Variants in DMD observed in about 807,000 individuals in gnomAD.
DMD encodes the protein mutant dystrophin.
DMD carries 63 observed loss-of-function variants against 330.1 expected under a neutral mutation model. The ratio of observed to expected loss-of-function variants is 0.19; its 90% CI spans 0.16 to 0.24. The LOEUF (loss-of-function observed/expected upper bound fraction) is 0.24. DMD is among the 10% of genes least tolerant of loss of function. DMD has a pLI of 1.00. For synonymous variants in DMD, 1,223 were observed against 959.8 expected, an observed-to-expected ratio of 1.27 and a Z score of -5.07; for missense variants, 3,344 against 2,684.1, an observed-to-expected ratio of 1.25 and a Z score of -5.43.
Position 32,045,000 on chromosome X carries a change from G to A in DMD, c.6439-76486C>T, listed in dbSNP as rs955801134. The stretch of plus-strand genomic sequence containing the variant: ...CCCAATGTTGGTGGTGGGGCCTGGC[G>A]GGAGGTTTTTGGGTCATGGGGACAG... On this transcript the variant is annotated intron_variant, in intron 44 of 78. Transcript: ENST00000357033. Among the ~76,000 whole-genome samples the A allele has an allele frequency of 6.3e-5, 7 of 110,960 alleles. No individual in the cohort carries two copies. The East Asian group carries it at 1.7e-3, about 27-fold the overall frequency.
chrX:33,157,976 A>G (rs2048588760), intron 1 of DMD, among the ~76,000 whole-genome samples: 1 of 111,951 alleles, frequency 8.9e-6, no homozygotes, highest in Non-Finnish European at 1.9e-5. Context: ...AAAGTAAATT[A>G]GAGAGAAGCT....
At position 32,217,035 on chromosome X, in the gene DMD, G is replaced by C; in HGVS notation, c.6319C>G (p.Arg2107Gly). The change falls in exon 44 of 79, where the codon CGG (arginine) becomes GGG (glycine). Residue 2107 changes from arginine (R) to glycine (G), a missense_variant. Physicochemically the swap from Arg to Gly is moderately radical, Grantham distance 125 (BLOSUM62 -2). Transcript: ENST00000357033. Reference protein sequence around the residue: ...GRFDRSVEKWRRFHYDIKIFN... With the variant: ...GRFDRSVEKWGRFHYDIKIFN... ...ATCTTTATATCATAATGAAAACGCC[G>C]CCATTTCTCAACAGATCTGTCAAAT... 8.3e-7 allele frequency: 1 copy of C among 1,208,870 alleles called. No homozygotes were observed. Among genetic ancestry groups the C allele is most frequent in the East Asian group, 3.0e-5 (1 of 33,751 alleles).
At chrX:32,743,025 G>A (rs894211030) in intron 7 of DMD, among the ~76,000 whole-genome samples, 1 of 111,106 alleles carries the variant, frequency 9.0e-6, no homozygotes, top group African/African-American at 3.3e-5. Flanking sequence ...CTTCCTCTGA[G>A]TCCTTCGCAT....
At chrX:31,749,313 T>G (rs1445037528) in intron 51 of DMD, among the ~76,000 whole-genome samples, 5 of 70,395 alleles carry the variant, frequency 7.1e-5, no homozygotes, top group East Asian at 4.9e-4. Context: ...CCCACAACAG[T>G]CCCCAGAGTG....
intron 30 of DMD, among the ~76,000 whole-genome samples, chrX:32,396,594 T>C (rs2098045898): frequency 9.1e-6 from 1 of 109,468 alleles, no homozygotes; most frequent in Non-Finnish European, 1.9e-5. Flanking sequence ...TACAACACTT[T>C]GTAGATGTTA....
chrX:33,226,536 T>C (rs2052293306), intron 1 of DMD, among the ~76,000 whole-genome samples: 1 of 111,222 alleles, frequency 9.0e-6, no homozygotes, highest in African/African-American at 3.3e-5. Flanking sequence ...CAAATAGAGA[T>C]CATATTAGTA....
At chrX:32,491,158 T>A in intron 20 of DMD, 119 bp downstream of exon 20, 1 of 947,236 alleles carries the variant, frequency 1.1e-6, no homozygotes, top group Non-Finnish European at 1.5e-6. Flanking sequence ...TTTATTGCGC[T>A]TAGCTAAATC....
intron 59 of DMD, among the ~76,000 whole-genome samples, chrX:31,476,414 T>TACACACAC (rs1298017039): frequency 1.0e-5 from 1 of 98,283 alleles, no homozygotes; most frequent in East Asian, 3.3e-4. Flanking sequence ...TATATATATA[T>TACACACAC]ATATATACAC....
intron 1 of DMD, among the ~76,000 whole-genome samples, chrX:33,127,611 G>A (rs2095472800): frequency 9.1e-6 from 1 of 110,090 alleles, no homozygotes. Context: ...ATATGTGTAT[G>A]TATATATATA....
chrX:31,933,950 T>C (rs1253376066), intron 45 of DMD, among the ~76,000 whole-genome samples: 1 of 91,675 alleles, frequency 1.1e-5, no homozygotes, highest in African/African-American at 4.9e-5. Flanking sequence ...GTTTTTTGAA[T>C]GATTAGCTAT....
intron 61 of DMD, among the ~76,000 whole-genome samples, chrX:31,327,074 T>C (rs868733258): frequency 3.6e-5 from 4 of 112,415 alleles, no homozygotes; most frequent in Admixed American, 9.4e-5. Context: ...TATTTTCTTA[T>C]ACAGATGTGC....
chrX:32,499,865 G>A (rs949151707), intron 19 of DMD, among the ~76,000 whole-genome samples: 2 of 111,094 alleles, frequency 1.8e-5, no homozygotes, highest in Non-Finnish European at 3.8e-5. Flanking sequence ...CACAATCACA[G>A]AAAATAAATA....
At chrX:31,262,250 A>G (rs1304223633) in intron 62 of DMD, among the ~76,000 whole-genome samples, 1 of 112,410 alleles carries the variant, frequency 8.9e-6, no homozygotes, top group Non-Finnish European at 1.9e-5. Context: ...GTCATCTATT[A>G]AAAGCAAATC....
rs182412874 is a variant in DMD at position 32,906,612 on chromosome X, T to C, written c.94-56792A>G. On this transcript the variant is annotated intron_variant, in intron 2 of 78. Coordinates refer to ENST00000357033, the MANE Select transcript of DMD (RefSeq NM_004006.3). ...GGGCGAGGGAGGCATGGTCCAGTTA[T>C]GTAGGTCAAGGTTAAAAGGTTTGGA... Among the ~76,000 whole-genome samples the C allele has an allele frequency of 3.6e-5, 4 of 111,739 alleles. No individual in the cohort carries two copies. In the East Asian group the frequency reaches 8.5e-4, roughly 24 times the overall value.
intron 57 of DMD, among the ~76,000 whole-genome samples, chrX:31,495,100 T>C (rs1200580357): frequency 1.8e-5 from 2 of 110,641 alleles, no homozygotes; most frequent in African/African-American, 6.6e-5. Flanking sequence ...TATTCAGAAA[T>C]ATATGAAGGC....
chrX:31,122,215 A>G (rs2032729011), intron 78 of DMD, among the ~76,000 whole-genome samples: 1 of 112,302 alleles, frequency 8.9e-6, no homozygotes, highest in Admixed American at 9.4e-5. Flanking sequence ...CAGGTTCCCA[A>G]TGTAAATATA....
chrX:32,269,574 G>T (rs1456158916), intron 43 of DMD, among the ~76,000 whole-genome samples: 1 of 111,406 alleles, frequency 9.0e-6, no homozygotes, highest in Non-Finnish European at 1.9e-5. Flanking sequence ...GTAACAGGAG[G>T]AGAGAGAGTT....
chrX:31,871,814 T>C (rs1434495961), intron 48 of DMD, among the ~76,000 whole-genome samples: 1 of 110,052 alleles, frequency 9.1e-6, no homozygotes, highest in African/African-American at 3.3e-5. Flanking sequence ...AAGTCTAGTG[T>C]CCCATCTTTC....
intron 50 of DMD, among the ~76,000 whole-genome samples, chrX:31,795,163 G>A (rs2091768437): frequency 9.0e-6 from 1 of 111,401 alleles, no homozygotes; most frequent in African/African-American, 3.3e-5. Flanking sequence ...CTCAGTTCTG[G>A]AGATGGATTT....
Sources: allele counts gnomAD v4.1 joint callset (sites outside exome capture counted in the v4.1 genomes callset), GRCh38; gene constraint gnomAD v4.1.1; transcripts MANE v1.5; gene names NCBI Gene and HGNC (gene_info 2026-07-23, HGNC 2026-07-21).